ZNF557: variants seen among roughly 807,000 people sequenced by gnomAD.
ZNF557 encodes CTB-25J19.9.
A neutral mutation model predicts 21.2 loss-of-function variants in ZNF557; 19 were observed. The ratio of observed to expected loss-of-function variants is 0.90; its 90% confidence interval spans 0.63 to 1.32. ZNF557 has a LOEUF of 1.32. ZNF557 is among the 40% of genes most tolerant of loss of function. The probability of loss-of-function intolerance (pLI) is 0.00; values close to 1 mark genes in which losing one functional copy is unlikely to be tolerated. For synonymous variants in ZNF557, 207 were observed against 194.8 expected (o/e 1.06, Z -0.52); for missense variants, 487 against 519.8 (o/e 0.94, Z 0.61).
At chr19:7,080,177 G>A (rs1333852619) in intron 5 of ZNF557, among the ~76,000 whole-genome samples, 2 of 152,132 alleles carry the variant, frequency 1.3e-5, no homozygotes, top group African/African-American at 4.8e-5. Flanking sequence ...GGTGGCAAAT[G>A]CTTGTAATCC....
chr19:7,071,094 T>C (rs540917515), intron 2 of ZNF557, among the ~76,000 whole-genome samples: 1 of 152,170 alleles, frequency 6.6e-6, no homozygotes, highest in Non-Finnish European at 1.5e-5. Flanking sequence ...TGATGCCTTA[T>C]ATTCAAGAGA....
intron 5 of ZNF557, among the ~76,000 whole-genome samples, chr19:7,077,689 T>C (rs527336079): frequency 2.0e-5 from 3 of 152,294 alleles, no homozygotes; most frequent in African/African-American, 7.2e-5. Context: ...CTGTGGTAAT[T>C]CTGTGTTTAA....
At chr19:7,081,600 C>CT in intron 6 of ZNF557, 145 bp downstream of exon 6, 1 of 631,776 alleles carries the variant, frequency 1.6e-6, no homozygotes, top group East Asian at 2.8e-5. Flanking sequence ...AACGTTTGGT[C>CT]TGAGCCCCCT....
In ZNF557 at chr19:7,085,150, A is replaced by G. The variant is rs1977807130; in HGVS notation, c.*1406A>G. Reference sequence around the variant, plus strand: ...ATGTCATTTTTCCACATTTTTAGGAACCTAACTCAGTGTAAGATAACAATT... The same window carrying G: ...ATGTCATTTTTCCACATTTTTAGGAGCCTAACTCAGTGTAAGATAACAATT... On this transcript the variant is annotated 3_prime_UTR_variant, in exon 8 of 8. Transcript: ENST00000252840. 6.6e-6 allele frequency: 1 copy of G among 152,156 alleles called. No individual in the cohort carries two copies. The highest frequency in any genetic ancestry group is 2.4e-5 in the African/African-American group (1 of 41,426). 9.4% of individuals were successfully genotyped at this position (152,156 alleles called of 1,614,324 possible).
At chr19:7,071,950 A>G (rs1599836814) in intron 2 of ZNF557, among the ~76,000 whole-genome samples, 1 of 2,886 alleles carries the variant, frequency 3.5e-4, no homozygotes, top group Non-Finnish European at 1.0e-3. Context: ...CTAAAAATAC[A>G]AAAAAAAAAA....
chr19:7,069,870 A>C (rs2914571), intron 1 of ZNF557, 97 bp downstream of exon 1: 112,826 of 152,378 alleles, frequency 0.74, 42,033 homozygotes, highest in African/African-American at 0.81. Context: ...GCGCTCAGTT[A>C]AGCCCGAAGC....
At chr19:7,079,474 T>C (rs1177116902) in intron 5 of ZNF557, among the ~76,000 whole-genome samples, 1 of 152,002 alleles carries the variant, frequency 6.6e-6, no homozygotes, top group Non-Finnish European at 1.5e-5. Context: ...TCTCCTGACC[T>C]TGTGATCCGC....
At chr19:7,074,758 C>T (rs1977543021) in intron 2 of ZNF557, among the ~76,000 whole-genome samples, 1 of 113,262 alleles carries the variant, frequency 8.8e-6, no homozygotes, top group Non-Finnish European at 1.8e-5. Flanking sequence ...AGGGCACGGG[C>T]TGGAGGGGGG....
At position 7,071,496 on chromosome 19, in the gene ZNF557, T is replaced by C. The variant is rs1977456118; in HGVS notation, c.-80+843T>C. 2.6e-5 allele frequency among the ~76,000 whole-genome samples: 4 copies of C among 152,212 alleles called. No individual in the cohort carries two copies. In the South Asian group the frequency reaches 8.3e-4, roughly 31 times the overall value. On this transcript the variant is annotated intron_variant, in intron 2 of 7. Coordinates refer to ENST00000252840, the MANE Select transcript of ZNF557 (RefSeq NM_024341.3). Reference sequence around the variant, plus strand: ...AAAGCCCTGCTGGGCGGCATTGTTCTAGTCTCTTCCCATCTGTCCATTGCA... The same window carrying C: ...AAAGCCCTGCTGGGCGGCATTGTTCCAGTCTCTTCCCATCTGTCCATTGCA...
chr19:7,077,406 G>A (rs1381897484), intron 5 of ZNF557, among the ~76,000 whole-genome samples: 1 of 152,104 alleles, frequency 6.6e-6, no homozygotes, highest in Non-Finnish European at 1.5e-5. Flanking sequence ...AAATTGCTGG[G>A]ATTACAGGGA....
At chr19:7,079,752 G>T (rs1977663782) in intron 5 of ZNF557, among the ~76,000 whole-genome samples, 1 of 152,066 alleles carries the variant, frequency 6.6e-6, no homozygotes. Context: ...TGTTAGCTTA[G>T]TGTTCAGCTT....
chr19:7,075,703 G>T lies in ZNF557; in HGVS notation c.80G>T (p.Gly27Val), dbSNP rs1176763439. ...TCTCAGCGAGAAGGACACACAGAGG[G>T]CGGAGAGCTGGTTAATGAGCTCCTG... ...PASQREGHTE[G>V]GELVNELLKS... Residue 27 changes from glycine (G) to valine (V), a missense_variant, in exon 4 of 8, where the codon GGC (glycine) becomes GTC (valine). By Grantham distance (109) the Gly-to-Val change is moderately radical. Transcript: ENST00000252840. 1 of 1,613,748 alleles carries T rather than the reference G, an allele frequency of 6.2e-7. No individual in the cohort carries two copies. The highest frequency in any genetic ancestry group is 8.5e-7 in the Non-Finnish European group (1 of 1,179,726).
At position 7,083,639 on chromosome 19, in the gene ZNF557, A is replaced by G. The variant is rs772814827; in HGVS notation, c.1188A>G (p.Arg396=). 1.9e-6 allele frequency: 3 copies of G among 1,614,096 alleles called. No homozygotes were observed. The highest frequency in any genetic ancestry group is 2.2e-5 in the South Asian group (2 of 91,072). ...NVLSSVKKHM[R]THTGKKPYEC... is the part of the protein sequence containing the mutation. ...TCTCATCCGTTAAGAAACACATGAG[A>G]ACTCACACTGGAAAAAAACCCTATG... Residue 396 remains arginine (R), a synonymous_variant, in exon 8 of 8, where the codon AGA becomes AGG. Transcript: ENST00000252840.
In ZNF557 at chr19:7,083,835, T is replaced by C; in HGVS notation, c.*91T>C. On this transcript the variant is annotated 3_prime_UTR_variant, in exon 8 of 8. Coordinates refer to ENST00000252840, the MANE Select transcript of ZNF557 (RefSeq NM_024341.3). ...ACAAGATGTATGAATCACCTGCTAC[T>C]GTGTAACAAATTACCCCCCAAAATT... 1 of 1,476,220 alleles carries C rather than the reference T, an allele frequency of 6.8e-7. No homozygotes were observed. The highest frequency in any genetic ancestry group is 9.1e-7 in the Non-Finnish European group (1 of 1,099,684). The allele number at this position is 1,476,220 out of a possible 1,614,324, so 91.4% of individuals were successfully genotyped here.
At chr19:7,075,319 C>G (rs1259854656) in intron 3 of ZNF557, among the ~76,000 whole-genome samples, 4 of 152,154 alleles carry the variant, frequency 2.6e-5, no homozygotes, top group Non-Finnish European at 4.4e-5. Flanking sequence ...TGTGCTGGAG[C>G]TTTTGAATTC....
Position 7,083,102 on chromosome 19 carries a change from C to G in ZNF557, c.651C>G (p.Phe217Leu), listed in dbSNP as rs757133252. Residue 217 changes from phenylalanine (F) to leucine (L), a missense_variant, in exon 8 of 8, where the codon TTC becomes TTG. Transcript: ENST00000252840. ...AATGCAATGACTGTGGGAAAACCTT[C>G]AGCAGCAGATCTTACCTTACTGTTC... ...PYECNDCGKT[F>L]SSRSYLTVHK... is the part of the protein sequence containing the mutation. 6.2e-7 allele frequency: 1 copy of G among 1,614,152 alleles called. No homozygotes were observed. The highest frequency in any genetic ancestry group is 8.5e-7 in the Non-Finnish European group (1 of 1,179,986).
rs1454055335 is a variant in ZNF557, at chr19:7,084,440, T to C, written c.*696T>C. ...ATCACAGCTCACTGCAGCCTCTACT[T>C]CCTGGGATCAAGTAATTCTCCTGCC... is the stretch of plus-strand genomic sequence containing the variant. On this transcript the variant is annotated 3_prime_UTR_variant, in exon 8 of 8. Coordinates refer to ENST00000252840, the MANE Select transcript of ZNF557 (RefSeq NM_024341.3). The C allele has an allele frequency of 6.6e-6, 1 of 152,126 alleles. No homozygotes were observed. Among genetic ancestry groups the C allele is most frequent in the African/African-American group, 2.4e-5 (1 of 41,410 alleles). 9.4% of individuals were successfully genotyped at this position (152,126 alleles called of 1,614,324 possible).
chr19:7,087,032 A>G lies in ZNF557; in HGVS notation c.*3288A>G, dbSNP rs1032499150. The G allele has an allele frequency of 2.1e-4, 31 of 150,340 alleles. No homozygotes were observed. Among genetic ancestry groups the G allele is most frequent in the Admixed American group, 7.3e-4 (11 of 15,012 alleles). The allele number at this position is 150,340 out of a possible 1,614,324, so 9.3% of individuals were successfully genotyped here. On this transcript the variant is annotated 3_prime_UTR_variant, in exon 8 of 8. Coordinates refer to ENST00000252840, the MANE Select transcript of ZNF557 (RefSeq NM_024341.3). The stretch of plus-strand genomic sequence containing the variant: ...CGACAGAGTGAGACTCCATCTCAAA[A>G]AAAGATGTACAGTGTACTAGGCTTT...
In ZNF557 at chr19:7,083,243, C is replaced by A; in HGVS notation, c.792C>A (p.Tyr264Ter). 1 of 1,614,204 alleles carries A rather than the reference C, an allele frequency of 6.2e-7. No individual in the cohort carries two copies. The highest frequency in any genetic ancestry group is 1.1e-5 in the South Asian group (1 of 91,086). ...GAATTCACACTGGAGAAAAACCGTA[C>A]AAATGTAACCAGTGTTTTCGTGAGT... is the stretch of plus-strand genomic sequence containing the variant. Reference protein sequence around the residue: ...HLRIHTGEKPYKCNQCFREFR... With the variant: ...HLRIHTGEKP Residue 264 changes from tyrosine to a stop codon, truncating the protein, a stop_gained, in exon 8 of 8, where the codon TAC (tyrosine) becomes TAA (stop). Coordinates refer to ENST00000252840, the MANE Select transcript of ZNF557 (RefSeq NM_024341.3). LOFTEE classifies it low-confidence loss of function (END_TRUNC).
Sources: allele counts gnomAD v4.1 joint callset (sites outside exome capture counted in the v4.1 genomes callset), GRCh38; gene constraint gnomAD v4.1.1; transcripts MANE v1.5; gene names NCBI Gene and HGNC (gene_info 2026-07-23, HGNC 2026-07-21).